Variants in PPP2R3A observed in about 807,000 individuals in gnomAD.
PPP2R3A encodes protein phosphatase 2 regulatory subunit B''alpha, also known as serine/threonine-protein phosphatase 2A regulatory subunit B'' subunit alpha.
In PPP2R3A, 80 loss-of-function variants were observed where a neutral mutation model predicts 106.9. That is an observed-to-expected ratio of 0.75 (90% CI 0.62 to 0.90). The LOEUF (loss-of-function observed/expected upper bound fraction) is 0.90, where lower values mean the gene tolerates loss of function less well. Among genes scored for constraint, PPP2R3A ranks in the 40% least tolerant of loss-of-function variants. The probability of loss-of-function intolerance (pLI) is 0.00; values close to 1 mark genes in which losing one functional copy is unlikely to be tolerated. For synonymous variants in PPP2R3A, 483 were observed against 468.3 expected (o/e 1.03, Z -0.41); for missense variants, 1,386 against 1,350.4 (o/e 1.03, Z -0.41).
At chr3:136,089,599 G>C (rs921471341) in intron 9 of PPP2R3A, among the ~76,000 whole-genome samples, 2 of 148,466 alleles carry the variant, frequency 1.3e-5, no homozygotes, top group South Asian at 4.2e-4. Flanking sequence ...TTTTAGAATG[G>C]TGTTGTTTTT....
intron 1 of PPP2R3A, among the ~76,000 whole-genome samples, chr3:135,998,774 A>G (rs1016585312): frequency 2.0e-5 from 3 of 152,254 alleles, no homozygotes; most frequent in Non-Finnish European, 4.4e-5. Context: ...ATAGAATGTT[A>G]TTCATTAAAA....
chr3:136,129,864 G>A (rs543840511), intron 13 of PPP2R3A, among the ~76,000 whole-genome samples: 7 of 152,206 alleles, frequency 4.6e-5, no homozygotes, highest in East Asian at 1.9e-4. Flanking sequence ...TTCAACATAC[G>A]CAAATCAATA....
chr3:136,062,733 A>G (rs1278976537), intron 5 of PPP2R3A, among the ~76,000 whole-genome samples: 1 of 143,474 alleles, frequency 7.0e-6, no homozygotes, highest in Non-Finnish European at 1.5e-5. Flanking sequence ...AAAAAAAAAA[A>G]GAATAAGGAA....
intron 1 of PPP2R3A, among the ~76,000 whole-genome samples, chr3:135,975,041 T>G (rs1206184984): frequency 6.6e-6 from 1 of 152,200 alleles, no homozygotes; most frequent in Non-Finnish European, 1.5e-5. Context: ...AAGTCTTCCA[T>G]CAAGCACTGT....
At chr3:136,043,768 G>GT (rs35552097) in intron 4 of PPP2R3A, among the ~76,000 whole-genome samples, 9 of 152,224 alleles carry the variant, frequency 5.9e-5, no homozygotes, top group African/African-American at 2.2e-4. Flanking sequence ...TCATATCAAT[G>GT]TATCATTTGT....
intron 5 of PPP2R3A, among the ~76,000 whole-genome samples, chr3:136,068,901 TCA>T (rs1388034187): frequency 1.2e-4 from 19 of 152,284 alleles, no homozygotes; most frequent in African/African-American, 4.6e-4. Context: ...AAAGGACTCA[TCA>T]CTTCTGTGGT....
intron 2 of PPP2R3A, among the ~76,000 whole-genome samples, chr3:136,021,841 G>A (rs1223825196): frequency 6.6e-6 from 1 of 151,942 alleles, no homozygotes; most frequent in African/African-American, 2.4e-5. Context: ...AAACAATAGA[G>A]TATAACAGCT....
chr3:135,988,161 C>T (rs1223519228), intron 1 of PPP2R3A, among the ~76,000 whole-genome samples: 2 of 151,898 alleles, frequency 1.3e-5, no homozygotes, highest in African/African-American at 4.8e-5. Context: ...TCCTTGCAAC[C>T]ACTACTTCCT....
chr3:136,001,406 T>A lies in PPP2R3A; in HGVS notation c.-93T>A, dbSNP rs944589891. The A allele has an allele frequency of 9.4e-7, 1 of 1,062,862 alleles. No homozygotes were observed. The highest frequency in any genetic ancestry group is 1.4e-6 in the Non-Finnish European group (1 of 720,892). 65.8% of individuals were successfully genotyped at this position (1,062,862 alleles called of 1,614,324 possible). On this transcript the variant is annotated 5_prime_UTR_variant, in exon 2 of 14. Transcript: ENST00000264977. The stretch of plus-strand genomic sequence containing the variant: ...GGAAGAAACCACTGAACATTGTTAT[T>A]AAATATATTTTCAGCTAACTGTCAT...
At chr3:136,111,356 G>C (rs1221053441) in intron 13 of PPP2R3A, among the ~76,000 whole-genome samples, 1 of 151,872 alleles carries the variant, frequency 6.6e-6, no homozygotes, top group Non-Finnish European at 1.5e-5. Flanking sequence ...ATTTTCACTA[G>C]AAGAATAAAA....
chr3:135,975,126 T>A (rs185686122), intron 1 of PPP2R3A, among the ~76,000 whole-genome samples: 6 of 152,294 alleles, frequency 3.9e-5, no homozygotes, highest in Non-Finnish European at 5.9e-5. Context: ...TAGTAGAAGG[T>A]TGAGACCCCT....
chr3:136,056,097 C>G (rs890021996), intron 5 of PPP2R3A, among the ~76,000 whole-genome samples: 3 of 152,142 alleles, frequency 2.0e-5, no homozygotes, highest in Non-Finnish European at 4.4e-5. Context: ...TAAACCCAGT[C>G]TAATCATGAG....
chr3:135,979,209 T>C (rs148158765), intron 1 of PPP2R3A, among the ~76,000 whole-genome samples: 1 of 151,424 alleles, frequency 6.6e-6, no homozygotes, highest in Non-Finnish European at 1.5e-5. Flanking sequence ...TGAAACCCCG[T>C]CTCTACTAAA....
At chr3:136,062,077 T>G (rs1030919322) in intron 5 of PPP2R3A, among the ~76,000 whole-genome samples, 2 of 152,172 alleles carry the variant, frequency 1.3e-5, no homozygotes, top group African/African-American at 2.4e-5. Context: ...GAAATGGATT[T>G]GAACTTAGAT....
chr3:136,033,346 T>G (rs1419595993), intron 3 of PPP2R3A, among the ~76,000 whole-genome samples: 3 of 152,338 alleles, frequency 2.0e-5, no homozygotes, highest in African/African-American at 7.2e-5. Flanking sequence ...TTTGTTTGTT[T>G]GGTTGGTTAT....
chr3:136,042,159 T>G (rs1935309865), intron 4 of PPP2R3A, among the ~76,000 whole-genome samples: 1 of 152,204 alleles, frequency 6.6e-6, no homozygotes, highest in Admixed American at 6.5e-5. Context: ...GAGAATATAG[T>G]AGGTGATTAA....
intron 10 of PPP2R3A, among the ~76,000 whole-genome samples, chr3:136,096,594 C>T (rs1378367750): frequency 2.6e-5 from 4 of 152,204 alleles, no homozygotes; most frequent in African/African-American, 9.6e-5. Flanking sequence ...TTTCATTCAC[C>T]TTTGTTATGC....
At chr3:136,050,988 C>G (rs1357781265) in intron 5 of PPP2R3A, among the ~76,000 whole-genome samples, 1 of 152,168 alleles carries the variant, frequency 6.6e-6, no homozygotes, top group South Asian at 2.1e-4. Context: ...AGAGAGATGT[C>G]TAACAGAAAG....
chr3:136,145,323 A>G lies in PPP2R3A; in HGVS notation c.*157A>G. On this transcript the variant is annotated 3_prime_UTR_variant, in exon 14 of 14. Coordinates refer to ENST00000264977, the MANE Select transcript of PPP2R3A (RefSeq NM_002718.5). ...TTGTTTTTAAGCAATAGGTCTGGAT[A>G]CACATTTAACTTAGGAGGCTCCTCC... 3.2e-6 allele frequency: 3 copies of G among 925,722 alleles called. No individual in the cohort carries two copies. The highest frequency in any genetic ancestry group is 7.1e-5 in the Admixed American group (2 of 28,186). The allele number at this position is 925,722 out of a possible 1,614,324, so 57.3% of individuals were successfully genotyped here.
Sources: gnomAD v4.1 joint callset for allele counts (sites outside exome capture counted in the v4.1 genomes callset) on GRCh38, gnomAD v4.1.1 for gene constraint, MANE v1.5 for transcripts, NCBI Gene and HGNC (gene_info 2026-07-23, HGNC 2026-07-21) for gene names.